Variants in COL4A5 observed in about 807,000 individuals in gnomAD.
COL4A5 encodes collagen alpha-5(IV) chain.
COL4A5 carries 26 observed loss-of-function variants against 130.2 expected under a neutral mutation model. The ratio of observed to expected loss-of-function variants is 0.20; its 90% CI spans 0.15 to 0.28. The LOEUF (loss-of-function observed/expected upper bound fraction) is 0.28, where lower values mean the gene tolerates loss of function less well. Among genes scored for constraint, COL4A5 ranks in the 10% least tolerant of loss-of-function variants. COL4A5 has a pLI of 1.00. For synonymous variants in COL4A5, 496 were observed against 439.6 expected (o/e 1.13, Z -1.60); for missense variants, 1,131 against 1,344.3 (o/e 0.84, Z 2.48).
chrX:108,505,252 T>TAA (rs57392649), intron 1 of COL4A5, among the ~76,000 whole-genome samples: 22 of 100,833 alleles, frequency 2.2e-4, no homozygotes, highest in Middle Eastern at 5.0e-3. Context: ...CGGTGAGGGA[T>TAA]AAAAAAAAAA....
At chrX:108,562,454 C>T (rs1462794604) in intron 3 of COL4A5, among the ~76,000 whole-genome samples, 1 of 111,784 alleles carries the variant, frequency 8.9e-6, no homozygotes, top group Non-Finnish European at 1.9e-5. Context: ...ATTAGAATTC[C>T]TTTGAAATAA....
chrX:108,531,126 A>G (rs1169013309), intron 1 of COL4A5, among the ~76,000 whole-genome samples: 5 of 100,958 alleles, frequency 5.0e-5, no homozygotes, highest in African/African-American at 7.2e-5. Context: ...ACCAAGCACC[A>G]CATGTTCTCA....
chrX:108,680,458 C>T (rs1207010553), intron 44 of COL4A5, among the ~76,000 whole-genome samples: 1 of 111,293 alleles, frequency 9.0e-6, no homozygotes, highest in Non-Finnish European at 1.9e-5. Flanking sequence ...GAAGTAAATA[C>T]TGTTATTTTC....
chrX:108,619,843 A>G (rs937070807), intron 30 of COL4A5, among the ~76,000 whole-genome samples: 4 of 112,486 alleles, frequency 3.6e-5, no homozygotes, highest in African/African-American at 1.3e-4. Context: ...TAGGATTAAT[A>G]CAAATGTTGA....
At chrX:108,631,506 C>A (rs1362091537) in intron 36 of COL4A5, among the ~76,000 whole-genome samples, 1 of 110,848 alleles carries the variant, frequency 9.0e-6, no homozygotes, top group Non-Finnish European at 1.9e-5. Flanking sequence ...TAGAACTCTT[C>A]ACCCCAATCA....
chrX:108,621,153 CCTT>C (rs1465456863), intron 31 of COL4A5, among the ~76,000 whole-genome samples: 1 of 95,798 alleles, frequency 1.0e-5, no homozygotes, highest in Non-Finnish European at 2.1e-5. Context: ...CTCCTTCCTT[CCTT>C]CTTTTTTTTT....
At chrX:108,458,645 C>A (rs1272754568) in intron 1 of COL4A5, among the ~76,000 whole-genome samples, 1 of 111,498 alleles carries the variant, frequency 9.0e-6, no homozygotes, top group Non-Finnish European at 1.9e-5. Flanking sequence ...TAACAGTATT[C>A]AGTGTTCTGA....
chrX:108,516,941 C>T (rs1038241779), intron 1 of COL4A5, among the ~76,000 whole-genome samples: 2 of 111,541 alleles, frequency 1.8e-5, no homozygotes, highest in Non-Finnish European at 3.8e-5. Flanking sequence ...GCCTTCTAAA[C>T]CTCAGTTTCT....
chrX:108,585,237 C>T (rs184474898), intron 18 of COL4A5, among the ~76,000 whole-genome samples: 10 of 111,859 alleles, frequency 8.9e-5, no homozygotes, highest in Admixed American at 7.6e-4. Context: ...CGCAACAGTG[C>T]GAATGTTGGA....
intron 22 of COL4A5, among the ~76,000 whole-genome samples, chrX:108,595,890 T>A (rs1170295286): frequency 8.9e-6 from 1 of 112,199 alleles, no homozygotes; most frequent in Non-Finnish European, 1.9e-5. Context: ...CAGACTTCTT[T>A]CTTCCAGAAT....
In COL4A5 at chrX:108,682,606, C is replaced by G. The variant is rs1368959329; in HGVS notation, c.4216+718C>G. ...CATTCTAACTGGTGTGAGATAATAT[C>G]TCACTGTGGCTTTGATTTGCATTTC... is the stretch of plus-strand genomic sequence containing the variant. On this transcript the variant is annotated intron_variant, in intron 47 of 52. Transcript: ENST00000328300. 2.7e-5 allele frequency among the ~76,000 whole-genome samples: 3 copies of G among 112,263 alleles called. No homozygotes were observed. The East Asian group carries it at 8.4e-4, about 32-fold the overall frequency.
intron 36 of COL4A5, among the ~76,000 whole-genome samples, chrX:108,647,839 CAT>C (rs1383232512): frequency 3.3e-4 from 37 of 111,637 alleles, no homozygotes; most frequent in Non-Finnish European, 9.4e-5. Flanking sequence ...TTGAGATAAT[CAT>C]GTGGTTTTTG....
intron 2 of COL4A5, among the ~76,000 whole-genome samples, chrX:108,546,541 T>G (rs1276685971): frequency 3.6e-5 from 4 of 109,902 alleles, no homozygotes; most frequent in Non-Finnish European, 7.6e-5. Flanking sequence ...TGCCCTTAGC[T>G]TTTTTTCCTT....
intron 1 of COL4A5, among the ~76,000 whole-genome samples, chrX:108,478,285 ATTG>A (rs773916563): frequency 4.0e-4 from 45 of 111,207 alleles, no homozygotes; most frequent in Middle Eastern, 4.6e-3. Context: ...GTTTAATGGA[ATTG>A]TTGTTGTGTC....
intron 46 of COL4A5, among the ~76,000 whole-genome samples, chrX:108,681,464 C>G (rs777105846): frequency 1.8e-4 from 20 of 110,478 alleles, no homozygotes; most frequent in African/African-American, 6.6e-4. Flanking sequence ...TCCCCTGACA[C>G]CAGTGTTCAC....
In COL4A5 at chrX:108,496,153, T is replaced by A. The variant is rs1290309149; in HGVS notation, c.82-43593T>A. ...CTCTCCAGTTTCTCAGGATGTAGCT[T>A]TAGATTATTGAATTGAGACATTTCT... On this transcript the variant is annotated intron_variant, in intron 1 of 52. Coordinates refer to ENST00000328300, the MANE Select transcript of COL4A5 (RefSeq NM_033380.3). Among the ~76,000 whole-genome samples the A allele has an allele frequency of 2.7e-5, 3 of 112,464 alleles. 1 individual carries two copies. In the Admixed American group the frequency reaches 2.8e-4, roughly 11 times the overall value.
intron 48 of COL4A5, 81 bp from the exon 49 acceptor site, chrX:108,687,401 A>C: frequency 2.5e-6 from 2 of 811,446 alleles, no homozygotes; most frequent in Non-Finnish European, 3.7e-6. Flanking sequence ...TAGTCAAATG[A>C]GGTCATAATG....
chrX:108,482,986 G>A (rs886332716), intron 1 of COL4A5, among the ~76,000 whole-genome samples: 10 of 111,330 alleles, frequency 9.0e-5, no homozygotes, highest in Non-Finnish European at 1.9e-4. Context: ...CATTTATTTT[G>A]CATAATTCTC....
chrX:108,545,670 T>C (rs974582496), intron 2 of COL4A5, among the ~76,000 whole-genome samples: 5 of 111,355 alleles, frequency 4.5e-5, no homozygotes, highest in African/African-American at 1.6e-4. Flanking sequence ...CCTTGTTAAC[T>C]TTCTGTCTTG....
Sources: gnomAD v4.1 joint callset for allele counts (sites outside exome capture counted in the v4.1 genomes callset) on GRCh38, gnomAD v4.1.1 for gene constraint, MANE v1.5 for transcripts, NCBI Gene and HGNC (gene_info 2026-07-23, HGNC 2026-07-21) for gene names.